The following ME3 variants were observed in gnomAD, a reference collection of about 807,000 sequenced individuals.
The protein encoded by ME3 is NADP-dependent malic enzyme, mitochondrial.
ME3 carries 48 observed loss-of-function variants against 68.9 expected under a neutral mutation model. The ratio of observed to expected loss-of-function variants is 0.70; its 90% CI spans 0.55 to 0.89. The LOEUF is 0.89. Among genes scored for constraint, ME3 ranks in the 40% least tolerant of loss-of-function variants. ME3 has a pLI of 0.00. For missense variants in ME3, 675 were observed against 797.4 expected (o/e 0.85, Z 1.85); for synonymous variants, 320 against 318.8 (o/e 1.00, Z -0.04).
At chr11:86,478,802 T>C (rs1046556385) in intron 7 of ME3, among the ~76,000 whole-genome samples, 39 of 152,232 alleles carry the variant, frequency 2.6e-4, no homozygotes, top group African/African-American at 9.2e-4. Flanking sequence ...CTAGCACTCC[T>C]GATATGCTTC....
chr11:86,491,559 C>T (rs1952013630), intron 6 of ME3, among the ~76,000 whole-genome samples: 1 of 152,214 alleles, frequency 6.6e-6, no homozygotes. Flanking sequence ...GGGCAGAGCT[C>T]CTATGGCTGA....
chr11:86,593,016 T>C (rs1445703313), intron 2 of ME3, among the ~76,000 whole-genome samples: 2 of 152,146 alleles, frequency 1.3e-5, no homozygotes, highest in Admixed American at 6.5e-5. Context: ...TGCAGACCCC[T>C]CTGCATGGGG....
At chr11:86,661,287 C>T (rs1290581236) in intron 2 of ME3, among the ~76,000 whole-genome samples, 1 of 152,200 alleles carries the variant, frequency 6.6e-6, no homozygotes, top group African/African-American at 2.4e-5. Context: ...TCGAGGAGGG[C>T]ATCATAGCAG....
chr11:86,588,034 C>G (rs968354514), intron 2 of ME3, among the ~76,000 whole-genome samples: 10 of 152,138 alleles, frequency 6.6e-5, no homozygotes, highest in Admixed American at 2.0e-4. Flanking sequence ...ACAAGGTCAC[C>G]AGAAGATCAT....
chr11:86,549,549 G>T (rs748539864), intron 4 of ME3, among the ~76,000 whole-genome samples: 8 of 152,174 alleles, frequency 5.3e-5, no homozygotes, highest in Non-Finnish European at 8.8e-5. Flanking sequence ...GACATTAACT[G>T]GTCCAGTGTA....
intron 7 of ME3, among the ~76,000 whole-genome samples, chr11:86,467,689 TCTCTCA>T (rs997876730): frequency 4.5e-5 from 6 of 132,628 alleles, no homozygotes; most frequent in Admixed American, 2.2e-4. Flanking sequence ...TCTCTCTCTC[TCTCTCA>T]CACACACACA....
At chr11:86,597,126 C>T (rs190198177) in intron 2 of ME3, among the ~76,000 whole-genome samples, 1 of 152,176 alleles carries the variant, frequency 6.6e-6, no homozygotes, top group African/African-American at 2.4e-5. Context: ...GTAACAGGGT[C>T]CCAGACTTGC....
Position 86,487,316 on chromosome 11 carries a change from G to C in ME3, c.809+21C>G, listed in dbSNP as rs1031106295. 13 of 1,598,982 alleles carry C rather than the reference G, an allele frequency of 8.1e-6. No homozygotes were observed. In the Admixed American group the frequency reaches 1.5e-4, roughly 18 times the overall value. On this transcript the variant is annotated intron_variant, in intron 7 of 14. Coordinates refer to ENST00000543262, the Ensembl canonical transcript of ME3. Reference sequence around the variant, plus strand: ...ATCTCTTAAAAGTCCTCTTTCAAAAGGGACAGACTGGTCCACTTACTTGTC... The same window carrying C: ...ATCTCTTAAAAGTCCTCTTTCAAAACGGACAGACTGGTCCACTTACTTGTC...
intron 5 of ME3, among the ~76,000 whole-genome samples, chr11:86,504,531 C>A (rs1302665590): frequency 1.3e-5 from 2 of 151,704 alleles, no homozygotes; most frequent in African/African-American, 4.8e-5. Context: ...GCTGGGAGGA[C>A]TACAGGTGTG....
chr11:86,448,120 C>T, intron 11 of ME3, 30 bp downstream of exon 11: 1 of 1,490,750 alleles, frequency 6.7e-7, no homozygotes, highest in Non-Finnish European at 9.4e-7. Context: ...GTTAGCTGGG[C>T]TGGGTAGTGG....
rs138834766 is a variant in ME3, at chr11:86,561,293, G to A, written c.184-1470C>T. Reference sequence around the variant, plus strand: ...AGGTTCATCTTGTACATTGCCAGCCGTGGTCCTAGACTAAGCCATTTCTCC... The same window carrying A: ...AGGTTCATCTTGTACATTGCCAGCCATGGTCCTAGACTAAGCCATTTCTCC... On this transcript the variant is annotated intron_variant, in intron 2 of 14. Transcript: ENST00000543262. 6.6e-3 allele frequency among the ~76,000 whole-genome samples: 1,004 copies of A among 152,094 alleles called. 7 individuals carry two copies. Among genetic ancestry groups the A allele is most frequent in the Non-Finnish European group, 9.8e-3 (669 of 67,976 alleles).
At chr11:86,567,973 G>T (rs1276634539) in intron 2 of ME3, among the ~76,000 whole-genome samples, 1 of 152,182 alleles carries the variant, frequency 6.6e-6, no homozygotes, top group East Asian at 1.9e-4. Context: ...TAAGAGTAGG[G>T]ACTGTACAAC....
chr11:86,643,352 ACT>A lies in ME3; in HGVS notation c.183+28408_183+28409del, dbSNP rs530843025. Among the ~76,000 whole-genome samples the A allele has an allele frequency of 1.5e-3, 230 of 151,636 alleles. 2 individuals carry two copies. Among genetic ancestry groups the A allele is most frequent in the Admixed American group, 3.0e-3 (46 of 15,230 alleles). On this transcript the variant is annotated intron_variant, in intron 2 of 14. Transcript: ENST00000543262. ...TCCCTCCTGCCCCATCCTTCCACAC[ACT>A]CTGTCCTCCATTCAGAACCACCCAC...
chr11:86,521,433 ATAAT>A (rs1954298477), intron 4 of ME3, among the ~76,000 whole-genome samples: 2 of 138,902 alleles, frequency 1.4e-5, no homozygotes, highest in South Asian at 2.4e-4. Flanking sequence ...CAAAACAAAA[ATAAT>A]AATAATAATA....
intron 6 of ME3, among the ~76,000 whole-genome samples, chr11:86,492,450 A>T (rs1428302557): frequency 6.6e-6 from 1 of 152,244 alleles, no homozygotes. Context: ...TGTGGAAACA[A>T]CAAGGCAGAA....
At chr11:86,473,767 T>C (rs1950909573) in intron 7 of ME3, among the ~76,000 whole-genome samples, 1 of 152,082 alleles carries the variant, frequency 6.6e-6, no homozygotes, top group East Asian at 1.9e-4. Context: ...TGACAGGGAA[T>C]CTATACCATG....
intron 1 of ME3, 60 bp from the exon 2 acceptor site, chr11:86,672,018 G>T: frequency 7.8e-7 from 1 of 1,284,020 alleles, no homozygotes; most frequent in Non-Finnish European, 1.0e-6. Context: ...ACCCACGCGC[G>T]CTGCGGGGCA....
rs917702849 is a variant in ME3, at chr11:86,589,832, CACA to C, written c.184-30012_184-30010del. Among the ~76,000 whole-genome samples, 51 of 152,234 alleles carry C rather than the reference CACA, an allele frequency of 3.4e-4. 1 individual carries two copies. Among genetic ancestry groups the C allele is most frequent in the African/African-American group, 1.1e-3 (45 of 41,522 alleles). ...ATAAGGGATCTTACTTGTAAATATC[CACA>C]ACATGTTCTCCTTGGTCCAGAGCTC... is the stretch of plus-strand genomic sequence containing the variant. On this transcript the variant is annotated intron_variant, in intron 2 of 14. Transcript: ENST00000543262.
intron 2 of ME3, among the ~76,000 whole-genome samples, chr11:86,584,063 A>G (rs1958593413): frequency 6.6e-6 from 1 of 152,196 alleles, no homozygotes; most frequent in Non-Finnish European, 1.5e-5. Flanking sequence ...TGGAAATCAT[A>G]TATTTGATAA....
Sources: gnomAD v4.1 joint callset for allele counts (sites outside exome capture counted in the v4.1 genomes callset) on GRCh38, gnomAD v4.1.1 for gene constraint, MANE v1.5 for transcripts, NCBI Gene and HGNC (gene_info 2026-07-23, HGNC 2026-07-21) for gene names.